Variants in DNAH12 observed in about 807,000 individuals in gnomAD.
The protein encoded by DNAH12 is axonemal beta dynein heavy chain 12.
In DNAH12, 285 loss-of-function variants were observed where a neutral mutation model predicts 371.5. The observed-to-expected ratio is 0.77, with a 90% CI of 0.70 to 0.85. The LOEUF is 0.85. Ranked by LOEUF, DNAH12 falls within the 40% of genes least tolerant of loss-of-function variation. The pLI, the probability that DNAH12 is intolerant of heterozygous loss-of-function variation, is 0.00. For synonymous variants in DNAH12, 1,200 were observed against 1,213.0 expected, an observed-to-expected ratio of 0.99 and a Z score of 0.22; for missense variants, 3,611 against 3,689.4, an observed-to-expected ratio of 0.98 and a Z score of 0.55.
At chr3:57,296,305 G>T in intron 72 of DNAH12, 39 bp downstream of exon 72, 1 of 1,433,348 alleles carries the variant, frequency 7.0e-7, no homozygotes, top group South Asian at 1.4e-5. Flanking sequence ...CTATGATTCA[G>T]CTACAAATGA....
chr3:57,406,557 T>C (rs1420009251), intron 40 of DNAH12, among the ~76,000 whole-genome samples: 1 of 152,168 alleles, frequency 6.6e-6, no homozygotes, highest in Non-Finnish European at 1.5e-5. Flanking sequence ...CCAGTTATTA[T>C]GGTTACACCA....
chr3:57,440,505 C>T (rs969154494), intron 29 of DNAH12, among the ~76,000 whole-genome samples: 1 of 152,078 alleles, frequency 6.6e-6, no homozygotes, highest in African/African-American at 2.4e-5. Flanking sequence ...ATGGCAACAA[C>T]AGACACTGGG....
chr3:57,370,593 T>TCA (rs1340027146), intron 55 of DNAH12, among the ~76,000 whole-genome samples: 1 of 152,176 alleles, frequency 6.6e-6, no homozygotes, highest in Non-Finnish European at 1.5e-5. Flanking sequence ...TAAACTATGG[T>TCA]CACAACAGCA....
chr3:57,331,819 GA>G (rs2153304418), intron 62 of DNAH12, among the ~76,000 whole-genome samples: 1 of 152,142 alleles, frequency 6.6e-6, no homozygotes, highest in African/African-American at 2.4e-5. Flanking sequence ...GTTGTAGCAA[GA>G]ACCCTGCTAG....
rs540417396 is a variant in DNAH12 at position 57,485,689 on chromosome 3, G to A, written c.1515-2178C>T. Among the ~76,000 whole-genome samples, 9 of 152,206 alleles carry A rather than the reference G, an allele frequency of 5.9e-5. 1 individual carries two copies. Among genetic ancestry groups the A allele is most frequent in the Admixed American group, 2.6e-4 (4 of 15,284 alleles). ...GCTGGAATTACAGGCATGAGCCACC[G>A]CACCCGGCTGGAGGCCATTATTCTA... On this transcript the variant is annotated intron_variant, in intron 12 of 73. Coordinates refer to ENST00000495027, the MANE Select transcript of DNAH12 (RefSeq NM_001366028.2).
chr3:57,413,614 C>T, intron 39 of DNAH12, 132 bp downstream of exon 39: 1 of 968,524 alleles, frequency 1.0e-6, no homozygotes. Context: ...ATTAGAGAGG[C>T]TTCATGTATA....
At chr3:57,322,621 A>G in intron 64 of DNAH12, 138 bp from the exon 65 acceptor site, 1 of 1,072,228 alleles carries the variant, frequency 9.3e-7, no homozygotes. Context: ...TAAGCATCTG[A>G]GGCTTGATTA....
intron 39 of DNAH12, among the ~76,000 whole-genome samples, 152 bp from the exon 40 acceptor site, chr3:57,408,687 T>A (rs1199820182): frequency 6.6e-6 from 1 of 152,310 alleles, no homozygotes; most frequent in African/African-American, 2.4e-5. Flanking sequence ...AAATTTTTTT[T>A]AAAGCAGAAT....
intron 30 of DNAH12, among the ~76,000 whole-genome samples, chr3:57,436,695 G>A (rs1192705332): frequency 1.3e-5 from 2 of 152,172 alleles, no homozygotes; most frequent in Non-Finnish European, 2.9e-5. Flanking sequence ...CCCTGGGAAG[G>A]GAAGAGTGTG....
intron 62 of DNAH12, among the ~76,000 whole-genome samples, chr3:57,334,092 A>C (rs934585933): frequency 7.2e-5 from 11 of 152,228 alleles, no homozygotes; most frequent in Admixed American, 5.9e-4. Context: ...TAGACAATAC[A>C]AAAGAAGAAA....
chr3:57,453,535 G>A, intron 23 of DNAH12, 132 bp from the exon 24 acceptor site: 1 of 751,780 alleles, frequency 1.3e-6, no homozygotes, highest in Non-Finnish European at 1.9e-6. Context: ...GTTCAAGCGT[G>A]GTGGCTCATG....
chr3:57,296,027 T>G (rs1051332070), intron 72 of DNAH12, among the ~76,000 whole-genome samples: 2 of 152,200 alleles, frequency 1.3e-5, no homozygotes, highest in Non-Finnish European at 2.9e-5. Flanking sequence ...TCATTATAAC[T>G]AACTGTAAAC....
chr3:57,438,536 G>A (rs769251112), intron 29 of DNAH12, among the ~76,000 whole-genome samples: 15 of 152,074 alleles, frequency 9.9e-5, no homozygotes, highest in Admixed American at 2.0e-4. Flanking sequence ...AAACCCTAAA[G>A]ACTCTGCCAA....
chr3:57,498,034 T>G (rs1325265829), intron 11 of DNAH12: 1 of 153,082 alleles, frequency 6.5e-6, no homozygotes, highest in Non-Finnish European at 1.5e-5. Flanking sequence ...ACTTTATTTT[T>G]ATTAGTAAAA....
intron 21 of DNAH12, 28 bp from the exon 22 acceptor site, chr3:57,458,031 T>C: frequency 6.5e-7 from 1 of 1,541,106 alleles, no homozygotes; most frequent in Middle Eastern, 1.7e-4. Context: ...AATACAAAAG[T>C]TTTAGTTATA....
At chr3:57,502,548 A>T in intron 9 of DNAH12, 69 bp from the exon 10 acceptor site, 1 of 1,230,264 alleles carries the variant, frequency 8.1e-7, no homozygotes, top group Non-Finnish European at 1.1e-6. Context: ...CTATATGTAG[A>T]TCTTTTTTTT....
At chr3:57,421,900 G>GTGTTTTTTTTTTTTT (rs1383551758) in intron 35 of DNAH12, among the ~76,000 whole-genome samples, 194 bp from the exon 36 acceptor site, 1 of 97,718 alleles carries the variant, frequency 1.0e-5, no homozygotes, top group African/African-American at 6.1e-5. Flanking sequence ...ATGTTTGCAT[G>GTGTTTTTTTTTTTTT]TCTTTTTTTT....
In DNAH12 at chr3:57,408,848, G is replaced by A. The variant is rs148485287; in HGVS notation, c.6021-313C>T. ...TTCTTATTCCAAATCTAGAAGCATG[G>A]ATGAGTGATCAATCCTATTTGTAGC... On this transcript the variant is annotated intron_variant, in intron 39 of 73. Transcript: ENST00000495027. Among the ~76,000 whole-genome samples the A allele has an allele frequency of 4.2e-3, 646 of 152,200 alleles. 7 individuals are homozygous for A. The highest frequency in any genetic ancestry group is 0.015 in the African/African-American group (628 of 41,516).
intron 55 of DNAH12, among the ~76,000 whole-genome samples, chr3:57,371,816 G>A (rs902776552): frequency 6.6e-6 from 1 of 151,394 alleles, no homozygotes; most frequent in Non-Finnish European, 1.5e-5. Flanking sequence ...AAGACTTAGA[G>A]TAGACTTCTC....
Sources: gnomAD v4.1 joint callset for allele counts (sites outside exome capture counted in the v4.1 genomes callset) on GRCh38, gnomAD v4.1.1 for gene constraint, MANE v1.5 for transcripts, NCBI Gene and HGNC (gene_info 2026-07-23, HGNC 2026-07-21) for gene names.